Variants in NWD1 observed in about 807,000 individuals in gnomAD.
NWD1 encodes the protein NACHT domain- and WD repeat-containing protein 1.
NWD1 carries 129 observed loss-of-function variants against 135.1 expected under a neutral mutation model. That is an observed-to-expected ratio of 0.96 (90% CI 0.83 to 1.11). The LOEUF is 1.11. Among genes scored for constraint, NWD1 ranks in the 50% least tolerant of loss-of-function variants. NWD1 has a pLI of 0.00. For synonymous variants in NWD1, 773 were observed against 786.0 expected, an observed-to-expected ratio of 0.98 and a Z score of 0.28; for missense variants, 1,740 against 1,851.3, an observed-to-expected ratio of 0.94 and a Z score of 1.10.
intron 11 of NWD1, among the ~76,000 whole-genome samples, chr19:16,773,812 C>T (rs991863241): frequency 2.0e-5 from 3 of 151,988 alleles, no homozygotes; most frequent in Non-Finnish European, 2.9e-5. Flanking sequence ...TTTCATTCAC[C>T]TTCCTACTCT....
In NWD1 at chr19:16,815,355, G is replaced by T. The variant is rs530589530; in HGVS notation, c.*316G>T. ...AAAAATAAAAATAAAAAAACCCTGTGGGGGTATGGGGCTCCAGTGAGTTAG... is the reference window on the plus strand; with the variant it reads ...AAAAATAAAAATAAAAAAACCCTGTTGGGGTATGGGGCTCCAGTGAGTTAG... On this transcript the variant is annotated 3_prime_UTR_variant, in exon 19 of 19. Coordinates refer to ENST00000524140, the MANE Select transcript of NWD1 (RefSeq NM_001007525.5). 33 of 699,454 alleles carry T rather than the reference G, an allele frequency of 4.7e-5. No homozygotes were observed. The highest frequency in any genetic ancestry group is 7.0e-5 in the Non-Finnish European group (27 of 383,556). The allele number at this position is 699,454 out of a possible 1,614,324, so 43.3% of individuals were successfully genotyped here.
chr19:16,749,049 C>A, intron 5 of NWD1, 90 bp from the exon 6 acceptor site: 1 of 998,428 alleles, frequency 1.0e-6, no homozygotes, highest in East Asian at 2.5e-5. Flanking sequence ...ATGCACATCC[C>A]CCAACAACAG....
At chr19:16,757,528 G>T (rs1454978849) in intron 6 of NWD1, among the ~76,000 whole-genome samples, 1 of 152,180 alleles carries the variant, frequency 6.6e-6, no homozygotes, top group Non-Finnish European at 1.5e-5. Flanking sequence ...CAAAGAGAAG[G>T]TACATTCCTC....
chr19:16,726,065 T>G (rs1251676900), intron 2 of NWD1, among the ~76,000 whole-genome samples: 1 of 151,574 alleles, frequency 6.6e-6, no homozygotes, highest in Non-Finnish European at 1.5e-5. Context: ...CAGGTTCAAG[T>G]GATTCTCCTG....
chr19:16,770,442 C>T (rs1054028470), intron 10 of NWD1, among the ~76,000 whole-genome samples: 10 of 152,100 alleles, frequency 6.6e-5, no homozygotes, highest in Non-Finnish European at 1.0e-4. Context: ...AACTGTAGGT[C>T]AATTAAACCT....
At chr19:16,782,352 G>A (rs1470396410) in intron 12 of NWD1, among the ~76,000 whole-genome samples, 1 of 150,816 alleles carries the variant, frequency 6.6e-6, no homozygotes, top group Admixed American at 6.6e-5. Context: ...TGAAGTCCCA[G>A]CTACGTGAGA....
At chr19:16,779,237 C>A in intron 11 of NWD1, 106 bp from the exon 12 acceptor site, 3 of 1,306,318 alleles carry the variant, frequency 2.3e-6, no homozygotes, top group Non-Finnish European at 2.2e-6. Flanking sequence ...TCTCTCTGTG[C>A]CTCAGTTGTC....
At chr19:16,806,489 G>A (rs1970748481) in intron 17 of NWD1, among the ~76,000 whole-genome samples, 1 of 152,264 alleles carries the variant, frequency 6.6e-6, no homozygotes, top group East Asian at 1.9e-4. Context: ...GGAGGCAAAG[G>A]TGGGAGGATC....
At chr19:16,751,753 A>G (rs1390017531) in intron 6 of NWD1, among the ~76,000 whole-genome samples, 2 of 151,380 alleles carry the variant, frequency 1.3e-5, no homozygotes, top group Non-Finnish European at 2.9e-5. Flanking sequence ...GTGAGCTGAG[A>G]TAGTGCCACT....
chr19:16,757,008 G>A (rs1260962738), intron 6 of NWD1, among the ~76,000 whole-genome samples: 1 of 151,974 alleles, frequency 6.6e-6, no homozygotes, highest in East Asian at 1.9e-4. Flanking sequence ...CCCCCAGATG[G>A]GACTGTCTAC....
intron 5 of NWD1, among the ~76,000 whole-genome samples, chr19:16,748,592 C>T (rs552764137): frequency 5.9e-5 from 9 of 152,008 alleles, no homozygotes; most frequent in South Asian, 2.1e-4. Context: ...TTTGGGAGGC[C>T]GAGGTTGAAT....
At chr19:16,738,820 T>C (rs1328532359) in intron 4 of NWD1, among the ~76,000 whole-genome samples, 1 of 138,250 alleles carries the variant, frequency 7.2e-6, no homozygotes, top group Non-Finnish European at 1.5e-5. Flanking sequence ...ATATGTATAA[T>C]ATATAATGTA....
intron 1 of NWD1, among the ~76,000 whole-genome samples, chr19:16,722,120 AAACAAC>A (rs1278288546): frequency 2.3e-5 from 2 of 86,730 alleles, no homozygotes; most frequent in East Asian, 3.4e-4. Context: ...CTCTTGAAAA[AAACAAC>A]AACAACAACA....
intron 6 of NWD1, among the ~76,000 whole-genome samples, chr19:16,755,730 G>T (rs1968768096): frequency 8.1e-6 from 1 of 123,700 alleles, no homozygotes. Flanking sequence ...TAGAGATGGG[G>T]TCTCACTATG....
intron 15 of NWD1, 131 bp downstream of exon 15, chr19:16,794,684 T>C (rs1970362459): frequency 2.9e-6 from 2 of 680,440 alleles, no homozygotes; most frequent in Non-Finnish European, 5.3e-6. Context: ...AATGGCCTCA[T>C]AGTAAACATT....
chr19:16,725,155 A>G (rs1249802146), intron 2 of NWD1, among the ~76,000 whole-genome samples: 1 of 151,800 alleles, frequency 6.6e-6, no homozygotes, highest in Non-Finnish European at 1.5e-5. Context: ...CTGGGACTAC[A>G]GGCGTGCACC....
At chr19:16,791,147 T>C (rs141519940) in intron 13 of NWD1, among the ~76,000 whole-genome samples, 2 of 152,134 alleles carry the variant, frequency 1.3e-5, no homozygotes, top group African/African-American at 2.4e-5. Flanking sequence ...GGCAGGAGGA[T>C]TGCTTGAGCC....
intron 11 of NWD1, among the ~76,000 whole-genome samples, chr19:16,773,779 T>TCCAA (rs1969497626): frequency 6.6e-6 from 1 of 152,084 alleles, no homozygotes; most frequent in East Asian, 1.9e-4. Context: ...CTTCCATTCA[T>TCCAA]CCAACCATCT....
rs1049117371 is a variant in NWD1 at position 16,813,586 on chromosome 19, C to T, written c.4288-1442C>T. 5.3e-5 allele frequency among the ~76,000 whole-genome samples: 8 copies of T among 152,076 alleles called. 1 individual carries two copies. The South Asian group carries it at 1.2e-3, about 24-fold the overall frequency. On this transcript the variant is annotated intron_variant, in intron 18 of 18. Coordinates refer to ENST00000524140, the MANE Select transcript of NWD1 (RefSeq NM_001007525.5). ...CTGCCTCCCAGGTTCAAGTGATTCT[C>T]CTGCCTCAGCCTCCTGAGTAGCTGG...
Sources: allele counts gnomAD v4.1 joint callset (sites outside exome capture counted in the v4.1 genomes callset), GRCh38; gene constraint gnomAD v4.1.1; transcripts MANE v1.5; gene names NCBI Gene and HGNC (gene_info 2026-07-23, HGNC 2026-07-21).